Variants in TANC2 observed in about 807,000 individuals in gnomAD.
TANC2 encodes tetratricopeptide repeat, ankyrin repeat and coiled-coil containing 2.
A neutral mutation model predicts 210.5 loss-of-function variants in TANC2; 26 were observed. That is an observed-to-expected ratio of 0.12 (90% CI 0.09 to 0.17). TANC2 has a LOEUF of 0.17. Ranked by LOEUF, TANC2 falls within the 10% of genes least tolerant of loss-of-function variation. TANC2 has a pLI of 1.00. For missense variants in TANC2, 2,129 were observed against 2,608.9 expected, an observed-to-expected ratio of 0.82 and a Z score of 4.01; for synonymous variants, 931 against 967.1, an observed-to-expected ratio of 0.96 and a Z score of 0.69.
chr17:63,024,388 A>T (rs992596332), intron 2 of TANC2, among the ~76,000 whole-genome samples: 1 of 152,208 alleles, frequency 6.6e-6, no homozygotes, highest in Non-Finnish European at 1.5e-5. Context: ...TTGCCATGAC[A>T]TTCGTAAACT....
chr17:63,201,021 G>T, intron 7 of TANC2, 64 bp downstream of exon 7: 1 of 1,425,504 alleles, frequency 7.0e-7, no homozygotes, highest in Non-Finnish European at 9.4e-7. Flanking sequence ...AATTACACAA[G>T]CTTAAGGTTT....
chr17:63,040,447 A>G (rs1457494434), intron 2 of TANC2, among the ~76,000 whole-genome samples: 1 of 152,126 alleles, frequency 6.6e-6, no homozygotes, highest in Non-Finnish European at 1.5e-5. Context: ...ATGTACTCAC[A>G]TATTTTCGGT....
chr17:63,266,518 A>G (rs2043533184), intron 8 of TANC2, among the ~76,000 whole-genome samples: 1 of 152,160 alleles, frequency 6.6e-6, no homozygotes, highest in Non-Finnish European at 1.5e-5. Context: ...TGCTGAGGGA[A>G]TTCTGAGCTG....
At chr17:63,132,260 TAAAC>T (rs968238926) in intron 4 of TANC2, among the ~76,000 whole-genome samples, 5 of 152,136 alleles carry the variant, frequency 3.3e-5, no homozygotes, top group East Asian at 1.9e-4. Context: ...TTTCGAATCT[TAAAC>T]AAAATAATGT....
At chr17:63,201,813 G>C (rs1051470792) in intron 7 of TANC2, among the ~76,000 whole-genome samples, 2 of 92,274 alleles carry the variant, frequency 2.2e-5, no homozygotes, top group Non-Finnish European at 4.0e-5. Context: ...AGAGCCAGAC[G>C]TGGACTGTTG....
chr17:63,425,663 G>C (rs2049125880), exon 28 of TANC2: 1 of 152,262 alleles, frequency 6.6e-6, no homozygotes, highest in Admixed American at 6.5e-5. Context: ...CAGGGCAACA[G>C]GCAAGCGGGC....
chr17:63,382,623 T>C (rs1054992599), intron 15 of TANC2, among the ~76,000 whole-genome samples: 1 of 152,252 alleles, frequency 6.6e-6, no homozygotes, highest in Non-Finnish European at 1.5e-5. Flanking sequence ...TTTTTCTTTA[T>C]TTTTAAGAAA....
At chr17:63,361,235 G>A (rs1486889842) in intron 14 of TANC2, among the ~76,000 whole-genome samples, 1 of 152,182 alleles carries the variant, frequency 6.6e-6, no homozygotes, top group Non-Finnish European at 1.5e-5. Context: ...AGAAACCTCT[G>A]TGGCTGACAG....
At chr17:63,011,059 C>T (rs570221927) in intron 2 of TANC2, among the ~76,000 whole-genome samples, 3 of 152,136 alleles carry the variant, frequency 2.0e-5, no homozygotes, top group Non-Finnish European at 4.4e-5. Context: ...CATGGTAGGC[C>T]TCCCTGGCAG....
At chr17:63,238,314 C>CA (rs1202187642) in intron 8 of TANC2, among the ~76,000 whole-genome samples, 4 of 152,108 alleles carry the variant, frequency 2.6e-5, no homozygotes, top group African/African-American at 9.7e-5. Context: ...TACAAAAACA[C>CA]ATAGAAATTC....
chr17:63,324,239 A>C (rs906596445), intron 11 of TANC2, among the ~76,000 whole-genome samples: 1 of 152,242 alleles, frequency 6.6e-6, no homozygotes, highest in Admixed American at 6.5e-5. Flanking sequence ...TAATTTTAGG[A>C]AGTGTCACAG....
intron 5 of TANC2, among the ~76,000 whole-genome samples, chr17:63,157,526 C>T (rs2145448516): frequency 6.6e-6 from 1 of 152,144 alleles, no homozygotes; most frequent in East Asian, 1.9e-4. Context: ...GGTTTAGAGC[C>T]AGACTGCCTG....
intron 4 of TANC2, chr17:63,149,484 G>T (rs552988309): frequency 9.2e-5 from 14 of 151,946 alleles, no homozygotes; most frequent in African/African-American, 3.1e-4. Context: ...AAGATATATA[G>T]AGTCCCTTGA....
chr17:62,976,574 G>A (rs889174644), intron 1 of TANC2, among the ~76,000 whole-genome samples: 3 of 151,596 alleles, frequency 2.0e-5, no homozygotes, highest in Non-Finnish European at 2.9e-5. Flanking sequence ...TAACTATTTA[G>A]AATCTTGTAA....
chr17:63,348,129 A>G (rs2046475804), intron 12 of TANC2, among the ~76,000 whole-genome samples: 1 of 152,226 alleles, frequency 6.6e-6, no homozygotes, highest in Non-Finnish European at 1.5e-5. Context: ...GAAGCTTTTC[A>G]GAACAAAGAT....
chr17:63,228,594 C>G (rs2042388413), intron 7 of TANC2, among the ~76,000 whole-genome samples: 1 of 152,162 alleles, frequency 6.6e-6, no homozygotes, highest in Non-Finnish European at 1.5e-5. Context: ...TTTGTGTCTT[C>G]TCTCATTTCC....
chr17:63,260,151 C>T (rs921861369), intron 8 of TANC2, among the ~76,000 whole-genome samples: 1 of 152,180 alleles, frequency 6.6e-6, no homozygotes, highest in Admixed American at 6.5e-5. Context: ...GAAGGAGGCA[C>T]TCATTGTACT....
chr17:63,403,604 G>T (rs1250110086), intron 19 of TANC2, among the ~76,000 whole-genome samples: 1 of 152,204 alleles, frequency 6.6e-6, no homozygotes, highest in Non-Finnish European at 1.5e-5. Flanking sequence ...CACCCACTCA[G>T]GGATGGAAAT....
At chr17:63,323,174 AAT>A (rs1236049600) in intron 11 of TANC2, among the ~76,000 whole-genome samples, 1 of 152,240 alleles carries the variant, frequency 6.6e-6, no homozygotes, top group African/African-American at 2.4e-5. Context: ...CAAATTAGTT[AAT>A]GTTTTGATGA....
Sources: gnomAD v4.1 joint callset for allele counts (sites outside exome capture counted in the v4.1 genomes callset) on GRCh38, gnomAD v4.1.1 for gene constraint, MANE v1.5 for transcripts, NCBI Gene and HGNC (gene_info 2026-07-23, HGNC 2026-07-21) for gene names.